Variants in CELF2 observed in about 807,000 individuals in gnomAD.
CELF2 encodes CUG triplet repeat RNA-binding protein 2.
CELF2 carries 8 observed loss-of-function variants against 62.6 expected under a neutral mutation model. That is an observed-to-expected ratio of 0.13 (90% CI 0.07 to 0.23). The LOEUF is 0.23. CELF2 is among the 10% of genes least tolerant of loss of function. The probability of loss-of-function intolerance (pLI) is 1.00; values close to 1 mark genes in which losing one functional copy is unlikely to be tolerated. For synonymous variants in CELF2, 258 were observed against 250.0 expected (o/e 1.03, Z -0.30); for missense variants, 333 against 671.0 (o/e 0.50, Z 5.56).
At chr10:10,676,562 A>G in the CELF2 span, among the ~76,000 whole-genome samples, 1 of 152,190 alleles carries the variant, frequency 6.6e-6, no homozygotes, top group Non-Finnish European at 1.5e-5. Flanking sequence ...TAAAATTCAC[A>G]AAAGTGTGAT....
chr10:11,247,759 G>A lies in CELF2; in HGVS notation c.355-1394G>A, dbSNP rs543321020. On this transcript the variant is annotated intron_variant, in intron 3 of 12. Coordinates refer to ENST00000633077, the MANE Select transcript of CELF2 (RefSeq NM_001326342.2). The surrounding 1 kb of genome is among the most constrained non-coding windows in gnomAD (Gnocchi z 5.4). ...CAGATGCATGCTGGGAGGATCGCTT[G>A]CTCAAAGACTCTGCCCATCTCCCCC... Among the ~76,000 whole-genome samples the A allele has an allele frequency of 6.6e-6, 1 of 152,164 alleles. No individual in the cohort carries two copies. Among genetic ancestry groups the A allele is most frequent in the Non-Finnish European group, 1.5e-5 (1 of 68,028 alleles).
Position 11,332,252 on chromosome 10 carries a change from T to G in CELF2, c.*3199T>G, listed in dbSNP as rs939154230. The G allele has an allele frequency of 1.3e-5, 2 of 152,206 alleles. No individual in the cohort carries two copies. Among genetic ancestry groups the G allele is most frequent in the Admixed American group, 1.3e-4 (2 of 15,284 alleles). The allele number at this position is 152,206 out of a possible 1,614,324, so 9.4% of individuals were successfully genotyped here. ...TAGTCTAGAATATTTTCATATACCT[T>G]GCAGTAAAACGACTTTGTGGCAGGA... On this transcript the variant is annotated 3_prime_UTR_variant, in exon 13 of 13. Coordinates refer to ENST00000633077, the MANE Select transcript of CELF2 (RefSeq NM_001326342.2).
At chr10:10,667,146 C>G in the CELF2 span, among the ~76,000 whole-genome samples, 2 of 152,152 alleles carry the variant, frequency 1.3e-5, no homozygotes, top group East Asian at 3.9e-4. Context: ...CTGAAAGGCA[C>G]CATGCTCTTT....
intron 12 of CELF2, among the ~76,000 whole-genome samples, chr10:11,326,738 C>G (rs1339559240): frequency 1.3e-5 from 2 of 152,186 alleles, no homozygotes; most frequent in Non-Finnish European, 2.9e-5. Flanking sequence ...CCAGGATGTT[C>G]AGAGTATATA....
At chr10:10,905,411 A>C (rs1387044445) in intron 1 of CELF2, among the ~76,000 whole-genome samples, 1 of 152,160 alleles carries the variant, frequency 6.6e-6, no homozygotes, top group Non-Finnish European at 1.5e-5. Flanking sequence ...TTAAATTGCC[A>C]TTAGAGTTTG....
intron 1 of CELF2, among the ~76,000 whole-genome samples, chr10:11,160,400 T>A (rs553270617): frequency 3.3e-5 from 5 of 152,136 alleles, no homozygotes; most frequent in Admixed American, 2.6e-4. Context: ...TTCTTGTGTT[T>A]CCAAAACAAA....
At chr10:10,482,762 C>T in the CELF2 span, among the ~76,000 whole-genome samples, 33 of 152,274 alleles carry the variant, frequency 2.2e-4, no homozygotes, top group Middle Eastern at 3.4e-3. Context: ...AAACCAACCA[C>T]TCCAAAGCTC....
intron 1 of CELF2, among the ~76,000 whole-genome samples, chr10:10,832,199 C>T (rs970187194): frequency 1.3e-5 from 2 of 151,566 alleles, no homozygotes; most frequent in Admixed American, 6.6e-5. Context: ...ACCCAGGAGG[C>T]GGAGGTTCCA....
chr10:10,755,926 A>G, the CELF2 span, among the ~76,000 whole-genome samples: 3 of 152,232 alleles, frequency 2.0e-5, no homozygotes, highest in African/African-American at 7.2e-5. Context: ...ATAGAGTCAA[A>G]GCAAACCATC....
At chr10:11,049,544 A>G (rs2063507063) in intron 1 of CELF2, among the ~76,000 whole-genome samples, 1 of 93,368 alleles carries the variant, frequency 1.1e-5, no homozygotes, top group African/African-American at 4.0e-5. Flanking sequence ...ATTTGTTCCT[A>G]TCCCTTTCTT....
At chr10:11,128,166 G>A (rs919269892) in intron 1 of CELF2, among the ~76,000 whole-genome samples, 2 of 152,132 alleles carry the variant, frequency 1.3e-5, no homozygotes, top group Non-Finnish European at 2.9e-5. Context: ...GTTTTTGTCA[G>A]GTTTGTCAAA....
intron 1 of CELF2, among the ~76,000 whole-genome samples, chr10:10,868,240 G>A (rs902064369): frequency 2.6e-5 from 4 of 152,164 alleles, no homozygotes; most frequent in Admixed American, 1.3e-4. Context: ...AGCACTTGAC[G>A]TCAGATGTTG....
At chr10:10,574,110 A>T in the CELF2 span, among the ~76,000 whole-genome samples, 1 of 152,224 alleles carries the variant, frequency 6.6e-6, no homozygotes, top group Admixed American at 6.5e-5. Context: ...GGGACTCAGA[A>T]GACATATTTC....
At chr10:11,213,062 G>A (rs989689097) in intron 2 of CELF2, among the ~76,000 whole-genome samples, 1 of 152,286 alleles carries the variant, frequency 6.6e-6, no homozygotes, top group East Asian at 1.9e-4. Context: ...GCATCAGCCT[G>A]TGCTGATCCC....
At chr10:10,659,694 G>T in the CELF2 span, among the ~76,000 whole-genome samples, 1 of 152,162 alleles carries the variant, frequency 6.6e-6, no homozygotes, top group Admixed American at 6.5e-5. Context: ...ACAGATCTCA[G>T]GTTGTCAGCA....
intron 1 of CELF2, among the ~76,000 whole-genome samples, chr10:11,081,127 TAGTGA>T (rs1218620480): frequency 7.2e-5 from 11 of 152,362 alleles, no homozygotes; most frequent in African/African-American, 1.4e-4. Flanking sequence ...ATAAATTCAT[TAGTGA>T]AGTGAAGACT....
At chr10:10,846,108 C>T in intron 1 of CELF2, 1 of 985,254 alleles carries the variant, frequency 1.0e-6, no homozygotes, top group East Asian at 1.1e-4. Flanking sequence ...AGAGTTCAAG[C>T]AGGAGTAAGC....
chr10:10,502,836 T>C, the CELF2 span, among the ~76,000 whole-genome samples: 1 of 152,000 alleles, frequency 6.6e-6, no homozygotes, highest in Non-Finnish European at 1.5e-5. Flanking sequence ...AGTTACATTA[T>C]TGATTTGAGA....
chr10:11,057,611 A>C (rs1421905447), intron 1 of CELF2, among the ~76,000 whole-genome samples: 1 of 152,202 alleles, frequency 6.6e-6, no homozygotes, highest in Non-Finnish European at 1.5e-5. Flanking sequence ...AACACTGATT[A>C]TACGCTCAAA....
Sources: allele counts gnomAD v4.1 joint callset (sites outside exome capture counted in the v4.1 genomes callset), GRCh38; gene constraint gnomAD v4.1.1; non-coding constraint Gnocchi (gnomAD v3.1); transcripts MANE v1.5; gene names NCBI Gene and HGNC (gene_info 2026-07-23, HGNC 2026-07-21).